AFF3: variants seen among roughly 807,000 people sequenced by gnomAD.
The protein encoded by AFF3 is AF4/FMR2 family member 3.
In AFF3, 32 loss-of-function variants were observed where a neutral mutation model predicts 129.7. That is an observed-to-expected ratio of 0.25 (90% confidence interval 0.19 to 0.33). The LOEUF (loss-of-function observed/expected upper bound fraction) is 0.33. AFF3 is among the 10% of genes least tolerant of loss of function. AFF3 has a pLI of 1.00. For synonymous variants in AFF3, 644 were observed against 635.4 expected, an observed-to-expected ratio of 1.01 and a Z score of -0.20; for missense variants, 1,373 against 1,592.0, an observed-to-expected ratio of 0.86 and a Z score of 2.34.
intron 7 of AFF3, among the ~76,000 whole-genome samples, chr2:99,966,478 C>G (rs1301620272): frequency 6.6e-6 from 1 of 151,400 alleles, no homozygotes; most frequent in African/African-American, 2.4e-5. Context: ...ATCACGAGGT[C>G]AGGAGATCGA....
chr2:99,689,975 T>A (rs1458348016), intron 11 of AFF3, among the ~76,000 whole-genome samples: 1 of 149,880 alleles, frequency 6.7e-6, no homozygotes, highest in African/African-American at 2.4e-5. Context: ...TAGTCCCAGC[T>A]ACTTGGGAGG....
At chr2:99,786,267 T>C (rs1684783459) in intron 8 of AFF3, among the ~76,000 whole-genome samples, 1 of 152,178 alleles carries the variant, frequency 6.6e-6, no homozygotes, top group African/African-American at 2.4e-5. Flanking sequence ...AAATGGGGAC[T>C]GGAGATTGAT....
At chr2:99,916,306 C>T (rs895193221) in intron 7 of AFF3, among the ~76,000 whole-genome samples, 8 of 152,188 alleles carry the variant, frequency 5.3e-5, no homozygotes, top group African/African-American at 9.6e-5. Flanking sequence ...TCATCCCTCA[C>T]CCTGTTTTGG....
rs11399049 is a variant in AFF3, at chr2:99,736,608, A to ATTTTT, written c.1039+7491_1039+7495dup. Among the ~76,000 whole-genome samples the ATTTTT allele has an allele frequency of 3.2e-5, 4 of 125,670 alleles. 1 individual carries two copies. Among genetic ancestry groups the ATTTTT allele is most frequent in the African/African-American group, 1.2e-4 (4 of 32,690 alleles). 82.4% of individuals were successfully genotyped at this position (125,670 alleles called of 152,430 possible). A position where few individuals can be genotyped will look rare whatever the true frequency, so the allele number is the denominator to read the frequency against. Reference sequence around the variant, plus strand: ...TCTAATCCATTTGTTTAAATTACTGATTTTTTTTTTTTTTTTTTTGAGACG... The same window carrying ATTTTT: ...TCTAATCCATTTGTTTAAATTACTGATTTTTTTTTTTTTTTTTTTTTTTTGAGACG... On this transcript the variant is annotated intron_variant, in intron 10 of 24. Transcript: ENST00000672756.
intron 13 of AFF3, among the ~76,000 whole-genome samples, chr2:99,638,599 T>C (rs1327446337): frequency 6.6e-6 from 1 of 152,132 alleles, no homozygotes; most frequent in African/African-American, 2.4e-5. Flanking sequence ...GCAGGAAGTC[T>C]TCTCCACTAG....
chr2:99,674,866 A>G (rs1212772448), intron 11 of AFF3, among the ~76,000 whole-genome samples: 1 of 152,214 alleles, frequency 6.6e-6, no homozygotes, highest in African/African-American at 2.4e-5. Context: ...AGTCACCACA[A>G]CGGTCAAAAT....
chr2:99,906,734 A>C (rs930200562), intron 7 of AFF3, among the ~76,000 whole-genome samples: 1 of 152,006 alleles, frequency 6.6e-6, no homozygotes, highest in African/African-American at 2.4e-5. Flanking sequence ...TTCTTTCTAC[A>C]CTGCTCTTCC....
chr2:99,676,134 G>A (rs1687585238), intron 11 of AFF3, among the ~76,000 whole-genome samples: 1 of 151,872 alleles, frequency 6.6e-6, no homozygotes, highest in African/African-American at 2.4e-5. Flanking sequence ...CCCTACTCCT[G>A]GGTTCCTCCA....
At chr2:99,833,104 A>G (rs1347270952) in intron 8 of AFF3, among the ~76,000 whole-genome samples, 2 of 152,164 alleles carry the variant, frequency 1.3e-5, no homozygotes, top group African/African-American at 4.8e-5. Context: ...CATTTGATTG[A>G]CATTTGTGAG....
At chr2:100,106,604 G>T in intron 2 of AFF3, 1 of 988,994 alleles carries the variant, frequency 1.0e-6, no homozygotes. Flanking sequence ...CTGTCTGGAA[G>T]AACTGCAAGT....
At chr2:99,684,059 A>G (rs1482985520) in intron 11 of AFF3, among the ~76,000 whole-genome samples, 1 of 152,150 alleles carries the variant, frequency 6.6e-6, no homozygotes, top group Non-Finnish European at 1.5e-5. Context: ...TACAGGCTCT[A>G]TCGGCATGGA....
At chr2:99,578,942 T>A (rs1329832997) in intron 17 of AFF3, among the ~76,000 whole-genome samples, 1 of 152,216 alleles carries the variant, frequency 6.6e-6, no homozygotes, top group Non-Finnish European at 1.5e-5. Flanking sequence ...CCTTTCCATC[T>A]GGTTCCCGGT....
chr2:99,650,489 G>A (rs768331117), intron 12 of AFF3, among the ~76,000 whole-genome samples: 2 of 152,132 alleles, frequency 1.3e-5, no homozygotes, highest in Non-Finnish European at 2.9e-5. Flanking sequence ...AAACCAGAAG[G>A]CAGAGGTTGC....
At chr2:99,581,568 C>CAA (rs1677550599) in intron 17 of AFF3, among the ~76,000 whole-genome samples, 3 of 151,014 alleles carry the variant, frequency 2.0e-5, no homozygotes, top group East Asian at 3.9e-4. Context: ...ACCCAGGCTG[C>CAA]AGTGCAGTGG....
intron 7 of AFF3, among the ~76,000 whole-genome samples, chr2:99,987,707 C>T (rs1396798113): frequency 1.3e-5 from 2 of 152,150 alleles, no homozygotes; most frequent in Non-Finnish European, 2.9e-5. Flanking sequence ...TCATCTGCTA[C>T]CCCAAAGGAA....
chr2:99,938,624 G>C (rs748143689), intron 7 of AFF3, among the ~76,000 whole-genome samples: 17 of 152,096 alleles, frequency 1.1e-4, no homozygotes, highest in Non-Finnish European at 2.2e-4. Context: ...ATGTGGGTGG[G>C]CCTCATCCAA....
chr2:99,939,820 T>C (rs1290552952), intron 7 of AFF3, among the ~76,000 whole-genome samples: 1 of 152,220 alleles, frequency 6.6e-6, no homozygotes, highest in East Asian at 1.9e-4. Context: ...ATAGCACTAA[T>C]AAGAACCACT....
At chr2:100,087,226 C>T (rs1480109421) in intron 4 of AFF3, among the ~76,000 whole-genome samples, 3 of 151,982 alleles carry the variant, frequency 2.0e-5, no homozygotes, top group African/African-American at 7.3e-5. Context: ...GTCTACTTGG[C>T]CCTGAAGGTA....
chr2:100,031,897 G>A (rs901248209), intron 4 of AFF3, among the ~76,000 whole-genome samples: 2 of 152,210 alleles, frequency 1.3e-5, no homozygotes, highest in African/African-American at 2.4e-5. Flanking sequence ...GCTTAAGGAG[G>A]TGAAGCATAG....
Sources: allele counts gnomAD v4.1 joint callset (sites outside exome capture counted in the v4.1 genomes callset), GRCh38; gene constraint gnomAD v4.1.1; transcripts MANE v1.5; gene names NCBI Gene and HGNC (gene_info 2026-07-23, HGNC 2026-07-21).